The following ADCY2 variants were observed in gnomAD, a reference collection of about 807,000 sequenced individuals.
ADCY2 encodes adenylate cyclase type 2.
ADCY2 carries 31 observed loss-of-function variants against 125.2 expected under a neutral mutation model. The ratio of observed to expected loss-of-function variants is 0.25; its 90% CI spans 0.19 to 0.33. The LOEUF is 0.33. Ranked by LOEUF, ADCY2 falls within the 10% of genes least tolerant of loss-of-function variation. The probability of loss-of-function intolerance (pLI) is 1.00; values close to 1 mark genes in which losing one functional copy is unlikely to be tolerated. For synonymous variants in ADCY2, 512 were observed against 548.4 expected, an observed-to-expected ratio of 0.93 and a Z score of 0.93; for missense variants, 904 against 1,418.2, an observed-to-expected ratio of 0.64 and a Z score of 5.82.
rs74755120 is a variant in ADCY2 at position 7,717,888 on chromosome 5, G to A, written c.1703+651G>A. Among the ~76,000 whole-genome samples the A allele has an allele frequency of 6.0e-3, 912 of 152,314 alleles. 7 individuals are homozygous for A. The highest frequency in any genetic ancestry group is 0.017 in the Middle Eastern group (5 of 294). ...AACCCATGCAGAGCAGAAGGCACATGGCTCAGTATGGTGCCTGGTGCACGT... is the reference window on the plus strand; with the variant it reads ...AACCCATGCAGAGCAGAAGGCACATAGCTCAGTATGGTGCCTGGTGCACGT... On this transcript the variant is annotated intron_variant, in intron 12 of 24. Transcript: ENST00000338316.
chr5:7,514,604 C>T (rs1744189752), intron 2 of ADCY2, among the ~76,000 whole-genome samples: 1 of 152,146 alleles, frequency 6.6e-6, no homozygotes, highest in Non-Finnish European at 1.5e-5. Flanking sequence ...GTGAATGTGA[C>T]CCTTATTTGA....
At chr5:7,698,511 G>A (rs1740966346) in intron 7 of ADCY2, 137 bp downstream of exon 7, 3 of 902,062 alleles carry the variant, frequency 3.3e-6, no homozygotes, top group South Asian at 1.4e-5. Flanking sequence ...ATTTACATTA[G>A]GTATTTCTAC....
intron 2 of ADCY2, among the ~76,000 whole-genome samples, chr5:7,459,289 A>G (rs1741822840): frequency 6.6e-6 from 1 of 152,172 alleles, no homozygotes; most frequent in Admixed American, 6.5e-5. Flanking sequence ...TTCTCTGCCC[A>G]TTGAGGGAGC....
chr5:7,666,838 G>A (rs1450633056), intron 4 of ADCY2, among the ~76,000 whole-genome samples: 1 of 152,174 alleles, frequency 6.6e-6, no homozygotes, highest in East Asian at 1.9e-4. Context: ...TTCCCTAGCA[G>A]TTGGTCTTCC....
chr5:7,403,015 C>T (rs915655744), intron 1 of ADCY2, among the ~76,000 whole-genome samples: 1 of 152,152 alleles, frequency 6.6e-6, no homozygotes, highest in African/African-American at 2.4e-5. Context: ...CCTTTGCTGT[C>T]TCTCAGACAT....
intron 22 of ADCY2, among the ~76,000 whole-genome samples, chr5:7,807,666 C>T (rs1224086327): frequency 5.3e-5 from 8 of 152,150 alleles, no homozygotes; most frequent in East Asian, 1.9e-4. Flanking sequence ...AACCTCTATC[C>T]GCTATCTTGA....
At chr5:7,475,579 G>A (rs1323573207) in intron 2 of ADCY2, among the ~76,000 whole-genome samples, 2 of 152,024 alleles carry the variant, frequency 1.3e-5, no homozygotes, top group Non-Finnish European at 2.9e-5. Context: ...ACGGAGTTTC[G>A]CCACGTTGGC....
intron 3 of ADCY2, among the ~76,000 whole-genome samples, chr5:7,567,477 T>A (rs1579581051): frequency 6.6e-6 from 1 of 152,240 alleles, no homozygotes; most frequent in Non-Finnish European, 1.5e-5. Context: ...TGTTCTTCTT[T>A]GTAGTTCTTT....
Position 7,707,844 on chromosome 5 carries a change from T to C in ADCY2, c.1401+6T>C. 6.2e-7 allele frequency: 1 copy of C among 1,613,812 alleles called. No homozygotes were observed. The highest frequency in any genetic ancestry group is 8.5e-7 in the Non-Finnish European group (1 of 1,179,898). On this transcript the variant is annotated splice_donor_region_variant and intron_variant, in intron 9 of 24. Transcript: ENST00000338316. ...ACTTTGTGATCAACCCCAAGGTCAG[T>C]ATCATTGTAAAGAGTCTATGATGAA...
At chr5:7,500,055 C>T (rs1037552380) in intron 2 of ADCY2, among the ~76,000 whole-genome samples, 1 of 152,176 alleles carries the variant, frequency 6.6e-6, no homozygotes, top group Admixed American at 6.5e-5. Context: ...TCACATGCCT[C>T]ATTATTGTGG....
In ADCY2 at chr5:7,788,359, T is replaced by C. The variant is rs188442531; in HGVS notation, c.2470-1283T>C. On this transcript the variant is annotated intron_variant, in intron 19 of 24. Transcript: ENST00000338316. ...CAGGCCCGGCTAATTTTTGTATTTTTAGTAGAGACGGGATTTTGCCAGGTG... is the reference window on the plus strand; with the variant it reads ...CAGGCCCGGCTAATTTTTGTATTTTCAGTAGAGACGGGATTTTGCCAGGTG... Among the ~76,000 whole-genome samples, 29 of 152,272 alleles carry C rather than the reference T, an allele frequency of 1.9e-4. No homozygotes were observed. The East Asian group carries it at 3.9e-3, about 20-fold the overall frequency.
intron 4 of ADCY2, among the ~76,000 whole-genome samples, chr5:7,628,839 C>A (rs1447984986): frequency 6.6e-6 from 1 of 150,556 alleles, no homozygotes; most frequent in African/African-American, 2.4e-5. Context: ...AAAAAAAAAC[C>A]ATCAGTAAGA....
At chr5:7,548,201 A>G (rs1341781944) in intron 3 of ADCY2, among the ~76,000 whole-genome samples, 1 of 152,188 alleles carries the variant, frequency 6.6e-6, no homozygotes, top group Non-Finnish European at 1.5e-5. Context: ...AGAAGTTTGT[A>G]TAGGTGAACT....
At chr5:7,711,064 A>G (rs1321171964) in intron 10 of ADCY2, among the ~76,000 whole-genome samples, 1 of 152,210 alleles carries the variant, frequency 6.6e-6, no homozygotes, top group Non-Finnish European at 1.5e-5. Flanking sequence ...TCTAACCTAT[A>G]GTTAAGTGCA....
chr5:7,563,383 G>GCGCCCCTGAGT (rs1378294356), intron 3 of ADCY2, among the ~76,000 whole-genome samples: 2 of 152,162 alleles, frequency 1.3e-5, no homozygotes, highest in African/African-American at 4.8e-5. Flanking sequence ...ATACCCTGAG[G>GCGCCCCTGAGT]CGCCCCTGAG....
intron 2 of ADCY2, among the ~76,000 whole-genome samples, chr5:7,472,964 T>C (rs547183249): frequency 6.6e-6 from 1 of 152,148 alleles, no homozygotes; most frequent in Non-Finnish European, 1.5e-5. Flanking sequence ...TACTCAGACT[T>C]GCAAGCCCAA....
Position 7,520,627 on chromosome 5 carries a change from A to C in ADCY2, c.409-111A>C. The C allele has an allele frequency of 2.5e-6, 3 of 1,197,844 alleles. No individual in the cohort carries two copies. The South Asian group carries it at 4.4e-5, about 18-fold the overall frequency. 74.2% of individuals were successfully genotyped at this position (1,197,844 alleles called of 1,614,324 possible). A position where few individuals can be genotyped will look rare whatever the true frequency, so the allele number is the denominator to read the frequency against. ...CTATTTTGTCTATAGATTATTTCTA[A>C]AATGAGCATGTCTCATGCTGTTCTA... On this transcript the variant is annotated intron_variant, in intron 2 of 24. Coordinates refer to ENST00000338316, the MANE Select transcript of ADCY2 (RefSeq NM_020546.3).
At chr5:7,556,837 C>T (rs1735522087) in intron 3 of ADCY2, among the ~76,000 whole-genome samples, 2 of 152,094 alleles carry the variant, frequency 1.3e-5, no homozygotes, top group African/African-American at 2.4e-5. Flanking sequence ...ACCTGATATT[C>T]TGAGGTGGAA....
At chr5:7,695,679 A>G in intron 5 of ADCY2, 73 bp from the exon 6 acceptor site, 2 of 904,044 alleles carry the variant, frequency 2.2e-6, no homozygotes, top group East Asian at 3.0e-5. Context: ...TTTTAATGGA[A>G]AAATTATTAT....
Sources: allele counts gnomAD v4.1 joint callset (sites outside exome capture counted in the v4.1 genomes callset), GRCh38; gene constraint gnomAD v4.1.1; transcripts MANE v1.5; gene names NCBI Gene and HGNC (gene_info 2026-07-23, HGNC 2026-07-21).